MISP: variants seen among roughly 807,000 people sequenced by gnomAD.
MISP encodes mitotic interactor and substrate of PLK1.
Under a neutral mutation model 49.3 loss-of-function variants are expected in MISP, and 51 were observed. That is an observed-to-expected ratio of 1.03 (90% CI 0.83 to 1.31). The LOEUF (loss-of-function observed/expected upper bound fraction) is 1.31, where lower values mean the gene tolerates loss of function less well. MISP is among the 50% of genes most tolerant of loss of function. The pLI is 0.00. For synonymous variants in MISP, 444 were observed against 392.6 expected (o/e 1.13, Z -1.55); for missense variants, 1,084 against 935.1 (o/e 1.16, Z -2.08).
chr19:761,284 G>A (rs913664277), intron 3 of MISP, among the ~76,000 whole-genome samples: 1 of 150,642 alleles, frequency 6.6e-6, no homozygotes, highest in Non-Finnish European at 1.5e-5. Context: ...GGCTCCATCC[G>A]GGAGGTGGAG....
Position 763,671 on chromosome 19 carries a change from A to C in MISP, c.*81A>C, listed in dbSNP as rs1397317107. The C allele has an allele frequency of 1.0e-6, 1 of 977,104 alleles. No homozygotes were observed. Among genetic ancestry groups the C allele is most frequent in the African/African-American group, 1.6e-5 (1 of 62,240 alleles). 60.5% of individuals were successfully genotyped at this position (977,104 alleles called of 1,614,324 possible). A position where few individuals can be genotyped will look rare whatever the true frequency, so the allele number is the denominator to read the frequency against. On this transcript the variant is annotated 3_prime_UTR_variant, in exon 5 of 5. Transcript: ENST00000215582. The stretch of plus-strand genomic sequence containing the variant: ...AAGACCATCGCCAAGCCCCCACCCT[A>C]GGAAATGGGTCCTAGGTCCAGGATC...
chr19:754,589 C>T (rs1471236089), intron 1 of MISP, among the ~76,000 whole-genome samples: 4 of 152,226 alleles, frequency 2.6e-5, no homozygotes, highest in African/African-American at 4.8e-5. Flanking sequence ...ATCACGCTAC[C>T]GCAGTCCAGC....
intron 1 of MISP, among the ~76,000 whole-genome samples, chr19:753,575 G>T (rs1408119816): frequency 6.6e-6 from 1 of 151,640 alleles, no homozygotes; most frequent in Non-Finnish European, 1.5e-5. Flanking sequence ...TTTTAGTAGA[G>T]ATGGGGTTTC....
rs937754023 is a variant in MISP at position 757,386 on chromosome 19, T to A, written c.440T>A (p.Ile147Asn). ...CDLERERWAV[I>N]QGQAVRKSST... ...CTGGAGCGGGAGCGCTGGGCCGTCA[T>A]CCAGGGCCAGGCAGTCAGGAAGAGC... The change falls in exon 2 of 5, where the codon ATC becomes AAC. Residue 147 changes from isoleucine (I) to asparagine (N), a missense_variant. Transcript: ENST00000215582. 1.2e-4 allele frequency: 195 copies of A among 1,610,676 alleles called. No individual in the cohort carries two copies. The highest frequency in any genetic ancestry group is 1.2e-4 in the Non-Finnish European group (142 of 1,178,826).
intron 3 of MISP, 109 bp downstream of exon 3, chr19:760,148 C>A: frequency 7.7e-7 from 1 of 1,301,656 alleles, no homozygotes; most frequent in South Asian, 1.4e-5. Context: ...TCAAGCACTA[C>A]CCCCACCCCT....
chr19:750,174 G>A (rs1207030135), upstream of MISP, among the ~76,000 whole-genome samples: 6 of 148,260 alleles, frequency 4.0e-5, no homozygotes, highest in Admixed American at 1.4e-4. Context: ...GTCTTTTGAC[G>A]GCCTCGTGCG....
chr19:763,612 C>G lies in MISP; in HGVS notation c.*22C>G, dbSNP rs765295436. 6 of 1,579,798 alleles carry G rather than the reference C, an allele frequency of 3.8e-6. No homozygotes were observed. The South Asian group carries it at 4.4e-5, about 12-fold the overall frequency. Reference sequence around the variant, plus strand: ...CTGAGCCTCGGGATGGGGCGCCCACCCCCTGCCCTGCCCTGACCCTCGTGG... The same window carrying G: ...CTGAGCCTCGGGATGGGGCGCCCACGCCCTGCCCTGCCCTGACCCTCGTGG... On this transcript the variant is annotated 3_prime_UTR_variant, in exon 5 of 5. Transcript: ENST00000215582.
Position 760,035 on chromosome 19 carries a change from A to C in MISP, c.1907A>C (p.Gln636Pro), listed in dbSNP as rs745876662. Residue 636 changes from glutamine (Q) to proline (P), a missense_variant, in exon 3 of 5, where the codon CAA (glutamine) becomes CCA (proline). Gln to Pro is a moderately conservative substitution (Grantham distance 76, BLOSUM62 -1). Coordinates refer to ENST00000215582, the MANE Select transcript of MISP (RefSeq NM_173481.4). The part of the protein sequence containing the change: ...SAPPGQRKKE[Q>P]WYAGINPSDG... ...CCTCCCGGGCAGAGAAAGAAGGAGC[A>C]ATGGGTGAGTCTGGAACCCGTCTCT... 8.7e-6 allele frequency: 14 copies of C among 1,613,656 alleles called. No homozygotes were observed. The highest frequency in any genetic ancestry group is 8.3e-5 in the Admixed American group (5 of 59,974).
At position 757,486 on chromosome 19, in the gene MISP, C is replaced by T. The variant is rs1275759143; in HGVS notation, c.540C>T (p.Pro180=). The change falls in exon 2 of 5, where the codon CCC becomes CCT. Residue 180 remains proline (P), a synonymous_variant. Coordinates refer to ENST00000215582, the MANE Select transcript of MISP (RefSeq NM_173481.4). ...PRTPGPPRST[P]LEENVVDREQ... is the part of the protein sequence containing the mutation. ...CCCCCGGCCCACCTCGGTCCACGCC[C>T]CTGGAGGAGAACGTGGTTGACAGGG... 1.9e-6 allele frequency: 3 copies of T among 1,600,164 alleles called. No homozygotes were observed. Among genetic ancestry groups the T allele is most frequent in the Non-Finnish European group, 1.7e-6 (2 of 1,174,158 alleles).
rs2033716482 is a variant in MISP at position 764,053 on chromosome 19, G to C, written c.*463G>C. ...TCTGAGAAGTCCCAAGCTGAGAGGG[G>C]AGACCTGCCCCTTTCCAACCCTGGG... On this transcript the variant is annotated 3_prime_UTR_variant, in exon 5 of 5. Coordinates refer to ENST00000215582, the MANE Select transcript of MISP (RefSeq NM_173481.4). The C allele has an allele frequency of 6.4e-6, 1 of 155,818 alleles. No individual in the cohort carries two copies. Among genetic ancestry groups the C allele is most frequent in the African/African-American group, 2.4e-5 (1 of 41,492 alleles). The allele number at this position is 155,818 out of a possible 1,614,324, so 9.7% of individuals were successfully genotyped here.
chr19:754,815 G>A (rs1351001416), intron 1 of MISP, among the ~76,000 whole-genome samples: 7 of 152,264 alleles, frequency 4.6e-5, no homozygotes, highest in African/African-American at 1.7e-4. Flanking sequence ...TGCAGGTAGA[G>A]GAGGAGGGCG....
In MISP at chr19:758,193, A is replaced by C; in HGVS notation, c.1247A>C (p.Lys416Thr). 2 of 1,612,714 alleles carry C rather than the reference A, an allele frequency of 1.2e-6. No individual in the cohort carries two copies. The highest frequency in any genetic ancestry group is 2.2e-5 in the South Asian group (2 of 91,060). Residue 416 changes from lysine (K) to threonine (T), a missense_variant, in exon 2 of 5, where the codon AAG becomes ACG. Physicochemically the swap from Lys to Thr is moderately conservative, Grantham distance 78. Coordinates refer to ENST00000215582, the MANE Select transcript of MISP (RefSeq NM_173481.4). ...GCCGACCCAGCTCCAGAAGTGAGGAAGGTGAACCGCATCCCACCTGATGCC... is the reference window on the plus strand; with the variant it reads ...GCCGACCCAGCTCCAGAAGTGAGGACGGTGAACCGCATCCCACCTGATGCC... Reference protein sequence around the residue: ...RAADPAPEVRKVNRIPPDAYQ... With the variant: ...RAADPAPEVRTVNRIPPDAYQ...
Position 757,637 on chromosome 19 carries a change from C to T in MISP, c.691C>T (p.Pro231Ser), listed in dbSNP as rs766162342. ...CACAACCCCAGGGGCCAGCCAGGCC[C>T]CCAAGGCCTTCAACAAGCCCCACCT... ...AGTTPGASQAPKAFNKPHLAN... is the reference protein window; with the variant it reads ...AGTTPGASQASKAFNKPHLAN... The change falls in exon 2 of 5, where the codon CCC becomes TCC. Residue 231 changes from proline (P) to serine (S), a missense_variant. Physicochemically the swap from Pro to Ser is moderately conservative, Grantham distance 74 (BLOSUM62 -1). Coordinates refer to ENST00000215582, the MANE Select transcript of MISP (RefSeq NM_173481.4). 3 of 1,612,770 alleles carry T rather than the reference C, an allele frequency of 1.9e-6. No individual in the cohort carries two copies. The highest frequency in any genetic ancestry group is 2.7e-5 in the African/African-American group (2 of 74,926).
chr19:758,724 C>G lies in MISP; in HGVS notation c.1778C>G (p.Ser593Cys). ...AACTCCAGGAGCTCCTCCCAGGCATCCGGTGAGAAGGGGCTCCAGGGAGTG... is the reference window on the plus strand; with the variant it reads ...AACTCCAGGAGCTCCTCCCAGGCATGCGGTGAGAAGGGGCTCCAGGGAGTG... ...DQNSRSSSQA[S>C]GITGSYSVSE... is the part of the protein sequence containing the mutation. The change falls in exon 2 of 5, where the codon TCC becomes TGC. Residue 593 changes from serine (S) to cysteine (C), a missense_variant and splice_region_variant. Transcript: ENST00000215582. 1.2e-6 allele frequency: 2 copies of G among 1,610,910 alleles called. No individual in the cohort carries two copies. The highest frequency in any genetic ancestry group is 8.5e-7 in the Non-Finnish European group (1 of 1,178,036).
intron 1 of MISP, among the ~76,000 whole-genome samples, chr19:754,387 T>G (rs1295742689): frequency 1.3e-5 from 2 of 149,814 alleles, no homozygotes; most frequent in Non-Finnish European, 3.0e-5. Context: ...GGCGTGAACC[T>G]GGGAGGCAGA....
intron 1 of MISP, among the ~76,000 whole-genome samples, chr19:755,445 C>T (rs1162371807): frequency 2.0e-5 from 3 of 152,064 alleles, no homozygotes; most frequent in Non-Finnish European, 2.9e-5. Flanking sequence ...ATGTGGGAGC[C>T]GGGAAACTGG....
chr19:761,433 A>G (rs971105961), intron 3 of MISP, among the ~76,000 whole-genome samples, 192 bp from the exon 4 acceptor site: 2 of 152,148 alleles, frequency 1.3e-5, no homozygotes, highest in African/African-American at 4.8e-5. Flanking sequence ...TGAGGGGAAC[A>G]GCATGAGGAA....
chr19:757,806 C>T lies in MISP; in HGVS notation c.860C>T (p.Thr287Ile), dbSNP rs764841731. Residue 287 changes from threonine to isoleucine, a missense_variant, in exon 2 of 5, where the codon ACC becomes ATC. Transcript: ENST00000215582. ...TTGGCCTCAGTGGAGTCCCCGGGGACCCCCAAGGAGACGCCCATCGAGCGG... is the reference window on the plus strand; with the variant it reads ...TTGGCCTCAGTGGAGTCCCCGGGGATCCCCAAGGAGACGCCCATCGAGCGG... ...GSLASVESPG[T>I]PKETPIEREI... 6.2e-7 allele frequency: 1 copy of T among 1,611,924 alleles called. No individual in the cohort carries two copies. The highest frequency in any genetic ancestry group is 1.1e-5 in the South Asian group (1 of 90,984).
At chr19:751,942 AAGG>A (rs1239682871) in intron 1 of MISP, among the ~76,000 whole-genome samples, 2 of 152,152 alleles carry the variant, frequency 1.3e-5, no homozygotes, top group Non-Finnish European at 2.9e-5. Flanking sequence ...GCTGATGAGG[AAGG>A]AGGTGTGGCA....
Sources: gnomAD v4.1 joint callset for allele counts (sites outside exome capture counted in the v4.1 genomes callset) on GRCh38, gnomAD v4.1.1 for gene constraint, MANE v1.5 for transcripts, NCBI Gene and HGNC (gene_info 2026-07-23, HGNC 2026-07-21) for gene names.